RFC1: variants seen among roughly 807,000 people sequenced by gnomAD.
RFC1 encodes replication factor C subunit 1.
In RFC1, 37 loss-of-function variants were observed where a neutral mutation model predicts 137.4. The observed-to-expected ratio is 0.27, with a 90% CI of 0.21 to 0.35. The LOEUF (loss-of-function observed/expected upper bound fraction) is 0.35. Ranked by LOEUF, RFC1 falls within the 10% of genes least tolerant of loss-of-function variation. The pLI is 1.00. For missense variants in RFC1, 1,205 were observed against 1,358.5 expected, an observed-to-expected ratio of 0.89 and a Z score of 1.78; for synonymous variants, 429 against 455.7, an observed-to-expected ratio of 0.94 and a Z score of 0.75.
intron 15 of RFC1, among the ~76,000 whole-genome samples, chr4:39,303,773 T>C (rs1332892240): frequency 1.3e-5 from 2 of 152,158 alleles, no homozygotes; most frequent in Non-Finnish European, 2.9e-5. Context: ...ATTTTATGTA[T>C]TTTGGTGATT....
At chr4:39,311,682 TA>T in intron 11 of RFC1, 133 bp from the exon 12 acceptor site, 1 of 577,626 alleles carries the variant, frequency 1.7e-6, no homozygotes, top group Non-Finnish European at 3.0e-6. Context: ...ACACTGGAAT[TA>T]AAAAAGAAAA....
intron 1 of RFC1, among the ~76,000 whole-genome samples, chr4:39,354,028 TA>T (rs1192069680): frequency 1.3e-5 from 2 of 152,198 alleles, no homozygotes; most frequent in African/African-American, 4.8e-5. Context: ...TTAGCACTGT[TA>T]CACCATTTCC....
chr4:39,302,452 T>A, intron 18 of RFC1, 48 bp downstream of exon 18: 1 of 1,511,406 alleles, frequency 6.6e-7, no homozygotes. Flanking sequence ...GTTGAAAGCA[T>A]TAGTTAAAAA....
rs1027752926 is a variant in RFC1, at chr4:39,288,757, G to T, written c.*4C>A. 2.5e-6 allele frequency: 4 copies of T among 1,596,812 alleles called. No individual in the cohort carries two copies. Among genetic ancestry groups the T allele is most frequent in the Non-Finnish European group, 2.6e-6 (3 of 1,164,974 alleles). ...AAAGTGGCTGTCGCTAGTGAAAAATGGTTTCATTTCTTCGAACTTTTTCCT... is the reference window on the plus strand; with the variant it reads ...AAAGTGGCTGTCGCTAGTGAAAAATTGTTTCATTTCTTCGAACTTTTTCCT... On this transcript the variant is annotated 3_prime_UTR_variant, in exon 25 of 25. Coordinates refer to ENST00000349703, the MANE Select transcript of RFC1 (RefSeq NM_002913.5).
chr4:39,365,094 T>C (rs1208680155), intron 1 of RFC1, among the ~76,000 whole-genome samples: 1 of 140,220 alleles, frequency 7.1e-6, no homozygotes, highest in Non-Finnish European at 1.5e-5. Context: ...TGATACACTG[T>C]TTAAATTCCA....
intron 2 of RFC1, among the ~76,000 whole-genome samples, chr4:39,349,558 C>T (rs966109113): frequency 1.3e-5 from 2 of 152,164 alleles, no homozygotes; most frequent in Non-Finnish European, 2.9e-5. Flanking sequence ...AAGGCCCTCA[C>T]CAGACACCTA....
chr4:39,360,440 T>G (rs1004051626), intron 1 of RFC1, among the ~76,000 whole-genome samples: 1 of 151,630 alleles, frequency 6.6e-6, no homozygotes, highest in Non-Finnish European at 1.5e-5. Flanking sequence ...GCAGCAGCGG[T>G]TGGCAGTGAG....
chr4:39,361,705 A>C (rs2109783294), intron 1 of RFC1, among the ~76,000 whole-genome samples: 1 of 152,332 alleles, frequency 6.6e-6, no homozygotes, highest in Non-Finnish European at 1.5e-5. Flanking sequence ...TACAAAAATC[A>C]ATTGTATTTC....
intron 1 of RFC1, chr4:39,365,315 G>GC (rs57378978): frequency 0.31 from 67,958 of 216,578 alleles, 12,549 homozygotes; most frequent in East Asian, 0.55. Context: ...AATTTTCACC[G>GC]CCCCCCCCCA....
intron 1 of RFC1, among the ~76,000 whole-genome samples, chr4:39,357,347 T>G (rs184419028): frequency 9.6e-4 from 147 of 152,348 alleles, no homozygotes; most frequent in African/African-American, 3.3e-3. Context: ...ATCATTGAGC[T>G]TTAGACTACG....
chr4:39,291,235 G>T (rs1167956891), intron 23 of RFC1, among the ~76,000 whole-genome samples: 1 of 152,082 alleles, frequency 6.6e-6, no homozygotes, highest in African/African-American at 2.4e-5. Flanking sequence ...CCACAGATTA[G>T]GTAGACTAAG....
chr4:39,295,646 A>G lies in RFC1; in HGVS notation c.2922T>C (p.Ile974=). The G allele has an allele frequency of 1.9e-6, 3 of 1,613,280 alleles. No homozygotes were observed. Among genetic ancestry groups the G allele is most frequent in the South Asian group, 2.2e-5 (2 of 90,864 alleles). ...KHSSTGKHDR[I]VQDLALHMSL... is the part of the protein sequence containing the mutation. ...TCATATGCAAGGCCAGGTCCTGAAC[A>G]ATACGATCATGTTTGCCTGTAGACG... Residue 974 remains isoleucine, a synonymous_variant, in exon 22 of 25, where the codon ATT becomes ATC. Transcript: ENST00000349703.
At chr4:39,311,366 T>G in intron 12 of RFC1, 79 bp downstream of exon 12, 1 of 1,165,288 alleles carries the variant, frequency 8.6e-7, no homozygotes, top group Non-Finnish European at 1.3e-6. Flanking sequence ...CCAACAAGCC[T>G]GTATCCACCC....
rs759102905 is a variant in RFC1, at chr4:39,312,712, G to A, written c.1383+40C>T. 9 of 1,561,930 alleles carry A rather than the reference G, an allele frequency of 5.8e-6. No individual in the cohort carries two copies. The South Asian group carries it at 8.3e-5, about 14-fold the overall frequency. On this transcript the variant is annotated intron_variant, in intron 11 of 24. Transcript: ENST00000349703. ...TCACATCAAGAGTGTGCCAAGGCAG[G>A]CAGGAGGTGTCATGGTGTTGAGAAC...
chr4:39,349,799 G>A (rs1741093225), intron 2 of RFC1, among the ~76,000 whole-genome samples: 1 of 152,182 alleles, frequency 6.6e-6, no homozygotes, highest in Non-Finnish European at 1.5e-5. Flanking sequence ...GAGATCGGGA[G>A]TTTGAGACCA....
intron 3 of RFC1, among the ~76,000 whole-genome samples, chr4:39,344,830 A>T (rs1740768484): frequency 6.6e-6 from 1 of 152,140 alleles, no homozygotes; most frequent in South Asian, 2.1e-4. Context: ...CACATTCAAA[A>T]TAAGTTTGAC....
At chr4:39,341,356 G>A (rs552759929) in intron 4 of RFC1, 4 of 333,346 alleles carry the variant, frequency 1.2e-5, no homozygotes, top group African/African-American at 6.4e-5. Flanking sequence ...TTAAGAGTTC[G>A]TTTACACAGT....
rs774551557 is a variant in RFC1 at position 39,312,826 on chromosome 4, C to T, written c.1309G>A (p.Val437Ile). ...KSLIERYGGKVTGNVSKKTNY... is the reference protein window; with the variant it reads ...KSLIERYGGKITGNVSKKTNY... The stretch of plus-strand genomic sequence containing the variant: ...GTTTTCTTGCTGACATTTCCTGTTA[C>T]TTTTCCCCCATAACGTTCAATTAGA... The change falls in exon 11 of 25, where the codon GTA (valine) becomes ATA (isoleucine). Residue 437 changes from valine to isoleucine, a missense_variant. By Grantham distance (29) the Val-to-Ile change is conservative (BLOSUM62 3). This residue lies in a region of RFC1 where 962 missense variants were observed against 1,035.3 expected (regional missense o/e 0.93). Transcript: ENST00000349703. The T allele has an allele frequency of 6.2e-7, 1 of 1,614,010 alleles. No homozygotes were observed. The highest frequency in any genetic ancestry group is 8.5e-7 in the Non-Finnish European group (1 of 1,180,028).
At chr4:39,314,714 C>T (rs745772211) in intron 10 of RFC1, among the ~76,000 whole-genome samples, 10 of 152,130 alleles carry the variant, frequency 6.6e-5, no homozygotes, top group South Asian at 2.1e-4. Context: ...CTCCCCACTC[C>T]GGTCCCAGCT....
Sources: allele counts gnomAD v4.1 joint callset (sites outside exome capture counted in the v4.1 genomes callset), GRCh38; gene constraint gnomAD v4.1.1; regional missense constraint gnomAD v4.1.1; transcripts MANE v1.5; gene names NCBI Gene and HGNC (gene_info 2026-07-23, HGNC 2026-07-21).